CHST11: variants seen among roughly 807,000 people sequenced by gnomAD.
CHST11 encodes C4S-1.
In CHST11, 9 loss-of-function variants were observed where a neutral mutation model predicts 30.4. That is an observed-to-expected ratio of 0.30 (90% CI 0.18 to 0.52). The LOEUF is 0.52. Ranked by LOEUF, CHST11 falls within the 20% of genes least tolerant of loss-of-function variation. CHST11 has a pLI of 0.97. For synonymous variants in CHST11, 152 were observed against 187.8 expected (o/e 0.81, Z 1.56); for missense variants, 348 against 460.6 (o/e 0.76, Z 2.24).
chr12:104,696,618 A>G (rs1334309835), intron 2 of CHST11, among the ~76,000 whole-genome samples: 2 of 152,084 alleles, frequency 1.3e-5, no homozygotes, highest in Admixed American at 1.3e-4. Flanking sequence ...GTGAGCCGAG[A>G]TCACGGTACT....
intron 2 of CHST11, among the ~76,000 whole-genome samples, chr12:104,741,117 T>C (rs1276675805): frequency 6.6e-6 from 1 of 152,264 alleles, no homozygotes; most frequent in African/African-American, 2.4e-5. Context: ...CCAGCTGCCC[T>C]GGAGGGAGGG....
At chr12:104,584,942 A>T (rs35791423) in intron 1 of CHST11, among the ~76,000 whole-genome samples, 7,579 of 152,290 alleles carry the variant, frequency 0.05, 414 homozygotes, top group African/African-American at 0.13. Flanking sequence ...CCAGTAATGC[A>T]GTGCACGTGG....
chr12:104,545,078 A>G (rs888310311), intron 1 of CHST11, among the ~76,000 whole-genome samples: 1 of 152,216 alleles, frequency 6.6e-6, no homozygotes, highest in Admixed American at 6.5e-5. Context: ...AGCCAGGCAC[A>G]AATCCTGTCT....
Position 104,513,130 on chromosome 12 carries a change from G to GGA in CHST11, c.118+55602_118+55603insAG, listed in dbSNP as rs1565969825. 2.4e-4 allele frequency among the ~76,000 whole-genome samples: 27 copies of GGA among 113,660 alleles called. 1 individual carries two copies. Among genetic ancestry groups the GGA allele is most frequent in the African/African-American group, 9.3e-4 (25 of 26,840 alleles). The allele number at this position is 113,660 out of a possible 152,430, so 74.6% of individuals were successfully genotyped here. A position where few individuals can be genotyped will look rare whatever the true frequency, so the allele number is the denominator to read the frequency against. On this transcript the variant is annotated intron_variant, in intron 1 of 2. Transcript: ENST00000303694. ...GCTTCCAAATGTCATGACTGGGGGG[G>GGA]GGGGGGGTTGGGGGTGGGGAGGGAG...
At chr12:104,656,736 G>A (rs749366134) in intron 2 of CHST11, among the ~76,000 whole-genome samples, 16 of 152,176 alleles carry the variant, frequency 1.1e-4, no homozygotes, top group Non-Finnish European at 1.9e-4. Context: ...AACCATCTTC[G>A]TGACCACAGT....
chr12:104,465,521 C>T (rs2037448995), intron 1 of CHST11, among the ~76,000 whole-genome samples: 1 of 152,182 alleles, frequency 6.6e-6, no homozygotes, highest in South Asian at 2.1e-4. Context: ...TTTTCTGGCC[C>T]TTTTAGAAAT....
intron 1 of CHST11, among the ~76,000 whole-genome samples, chr12:104,566,752 T>TA (rs993100238): frequency 4.6e-5 from 7 of 152,160 alleles, no homozygotes; most frequent in African/African-American, 1.7e-4. Context: ...TACAAACACC[T>TA]ACAGGTACAT....
At chr12:104,545,598 TG>T (rs1555231461) in intron 1 of CHST11, among the ~76,000 whole-genome samples, 1 of 152,228 alleles carries the variant, frequency 6.6e-6, no homozygotes, top group Non-Finnish European at 1.5e-5. Flanking sequence ...TCCATAAAGA[TG>T]ATGCCTTGGT....
At chr12:104,475,928 G>T (rs1272605636) in intron 1 of CHST11, among the ~76,000 whole-genome samples, 14 of 142,590 alleles carry the variant, frequency 9.8e-5, no homozygotes, top group African/African-American at 3.6e-4. Flanking sequence ...TTTTTTAGAA[G>T]CGGGTCCCTT....
At chr12:104,523,238 G>C (rs955323744) in intron 1 of CHST11, among the ~76,000 whole-genome samples, 5 of 152,292 alleles carry the variant, frequency 3.3e-5, no homozygotes, top group Admixed American at 3.3e-4. Context: ...GTGTGGGTGG[G>C]GTTTCTTGTC....
At chr12:104,693,867 T>A (rs1277085464) in intron 2 of CHST11, among the ~76,000 whole-genome samples, 1 of 152,206 alleles carries the variant, frequency 6.6e-6, no homozygotes, top group African/African-American at 2.4e-5. Flanking sequence ...GGACCGCTTA[T>A]ATAAAATGAG....
At chr12:104,613,664 C>T (rs947860808) in intron 2 of CHST11, among the ~76,000 whole-genome samples, 1 of 152,200 alleles carries the variant, frequency 6.6e-6, no homozygotes, top group South Asian at 2.1e-4. Flanking sequence ...TGAGGCCTCC[C>T]CAGCCATGCT....
rs183602801 is a variant in CHST11 at position 104,584,765 on chromosome 12, T to C, written c.119-17141T>C. On this transcript the variant is annotated intron_variant, in intron 1 of 2. Transcript: ENST00000303694. ...AAGATTATAGGAATAATTTCATAAA[T>C]GATAGTTCATATCCTAGAGTGTTTC... Among the ~76,000 whole-genome samples the C allele has an allele frequency of 1.6e-3, 237 of 152,360 alleles. 1 individual carries two copies. The highest frequency in any genetic ancestry group is 5.4e-3 in the African/African-American group (225 of 41,578).
At position 104,457,367 on chromosome 12, in the gene CHST11, G is replaced by T. The variant is rs1347095675; in HGVS notation, c.-45G>T. On this transcript the variant is annotated 5_prime_UTR_variant, in exon 1 of 3. Coordinates refer to ENST00000303694, the MANE Select transcript of CHST11 (RefSeq NM_018413.6). Reference sequence around the variant, plus strand: ...GCGGGGTCCCTGCTCCTGCGCCCCGGGCGCGCTTCCCGGACACCCCGGTCC... The same window carrying T: ...GCGGGGTCCCTGCTCCTGCGCCCCGTGCGCGCTTCCCGGACACCCCGGTCC... 6.8e-7 allele frequency: 1 copy of T among 1,468,148 alleles called. No homozygotes were observed. Among genetic ancestry groups the T allele is most frequent in the Non-Finnish European group, 9.5e-7 (1 of 1,053,692 alleles). The allele number at this position is 1,468,148 out of a possible 1,614,324, so 90.9% of individuals were successfully genotyped here.
intron 2 of CHST11, among the ~76,000 whole-genome samples, chr12:104,635,809 A>G (rs1481064573): frequency 2.0e-5 from 3 of 152,164 alleles, no homozygotes; most frequent in Non-Finnish European, 4.4e-5. Context: ...GCTGCTGGTG[A>G]TCAAGTCCTC....
intron 1 of CHST11, among the ~76,000 whole-genome samples, chr12:104,466,464 G>C (rs116204434): frequency 1.3e-5 from 2 of 152,154 alleles, no homozygotes; most frequent in Non-Finnish European, 2.9e-5. Context: ...AAAAACCCTC[G>C]TGACCCCATC....
chr12:104,506,569 G>A (rs868782609), intron 1 of CHST11, among the ~76,000 whole-genome samples: 7 of 152,184 alleles, frequency 4.6e-5, no homozygotes, highest in Admixed American at 6.5e-5. Flanking sequence ...GGGCCAGGAT[G>A]AGGCTTGGAA....
intron 1 of CHST11, among the ~76,000 whole-genome samples, chr12:104,541,209 T>G (rs534654412): frequency 8.5e-5 from 13 of 152,244 alleles, no homozygotes; most frequent in African/African-American, 2.9e-4. Flanking sequence ...CTTTTGTGAT[T>G]AATTGAGAGT....
At chr12:104,628,667 C>A (rs1172319965) in intron 2 of CHST11, among the ~76,000 whole-genome samples, 1 of 152,184 alleles carries the variant, frequency 6.6e-6, no homozygotes, top group African/African-American at 2.4e-5. Context: ...CCTTCCAGCC[C>A]TCCAGGCCTT....
Sources: gnomAD v4.1 joint callset for allele counts (sites outside exome capture counted in the v4.1 genomes callset) on GRCh38, gnomAD v4.1.1 for gene constraint, MANE v1.5 for transcripts, NCBI Gene and HGNC (gene_info 2026-07-23, HGNC 2026-07-21) for gene names.